Variants in NPAS3 observed in about 807,000 individuals in gnomAD.
NPAS3 encodes neuronal PAS domain protein 3, also known as neuronal PAS domain-containing protein 3.
A neutral mutation model predicts 73.1 loss-of-function variants in NPAS3; 14 were observed. The ratio of observed to expected loss-of-function variants is 0.19; its 90% CI spans 0.13 to 0.30. The LOEUF (loss-of-function observed/expected upper bound fraction) is 0.30. Among genes scored for constraint, NPAS3 ranks in the 10% least tolerant of loss-of-function variants. The probability of loss-of-function intolerance (pLI) is 1.00; values close to 1 mark genes in which losing one functional copy is unlikely to be tolerated. For synonymous variants in NPAS3, 620 were observed against 541.5 expected, an observed-to-expected ratio of 1.14 and a Z score of -2.01; for missense variants, 1,096 against 1,250.0, an observed-to-expected ratio of 0.88 and a Z score of 1.86.
At chr14:33,317,348 A>G (rs1272587236) in intron 3 of NPAS3, among the ~76,000 whole-genome samples, 3 of 152,064 alleles carry the variant, frequency 2.0e-5, no homozygotes, top group Non-Finnish European at 4.4e-5. Context: ...TGAAGTAGGC[A>G]TTCTTATTAT....
At chr14:33,794,616 T>A (rs1447102392) in intron 10 of NPAS3, among the ~76,000 whole-genome samples, 2 of 151,824 alleles carry the variant, frequency 1.3e-5, no homozygotes, top group Non-Finnish European at 2.9e-5. Flanking sequence ...GGCAATTTTT[T>A]TTTTTTTTTG....
chr14:33,109,810 C>CTTTTTTTT lies in NPAS3; in HGVS notation c.140+53833_140+53840dup, dbSNP rs67439887. Among the ~76,000 whole-genome samples the CTTTTTTTT allele has an allele frequency of 1.1e-3, 92 of 86,976 alleles. 2 individuals are homozygous for CTTTTTTTT. Among genetic ancestry groups the CTTTTTTTT allele is most frequent in the East Asian group, 5.8e-3 (15 of 2,584 alleles). 57.1% of individuals were successfully genotyped at this position (86,976 alleles called of 152,430 possible). ...TACCTCTTATCTGTAATTTGCATGT[C>CTTTTTTTT]TTTTTTTTTTTTTTTTTTTTTTTTG... On this transcript the variant is annotated intron_variant, in intron 2 of 11. Coordinates refer to ENST00000356141, the Ensembl canonical transcript of NPAS3.
At chr14:33,115,109 C>T (rs1026100336) in intron 2 of NPAS3, among the ~76,000 whole-genome samples, 1 of 152,020 alleles carries the variant, frequency 6.6e-6, no homozygotes, top group Non-Finnish European at 1.5e-5. Flanking sequence ...TTATTGCAAG[C>T]CAGTCTTTGT....
chr14:33,010,607 C>A (rs2039154330), intron 1 of NPAS3, among the ~76,000 whole-genome samples: 2 of 152,034 alleles, frequency 1.3e-5, no homozygotes, highest in Admixed American at 1.3e-4. Flanking sequence ...TTTCTGGTTG[C>A]AAAAACATCA....
intron 4 of NPAS3, among the ~76,000 whole-genome samples, chr14:33,538,033 C>T (rs1040754096): frequency 1.2e-4 from 19 of 152,152 alleles, no homozygotes; most frequent in Non-Finnish European, 2.5e-4. Context: ...TGGCATAGAC[C>T]ATAAACCTGT....
intron 3 of NPAS3, among the ~76,000 whole-genome samples, chr14:33,238,502 T>G (rs1407242043): frequency 2.0e-5 from 3 of 152,028 alleles, no homozygotes; most frequent in African/African-American, 7.2e-5. Flanking sequence ...GAATCATTGT[T>G]GATACAGAGG....
At chr14:33,271,360 A>C (rs72678850) in intron 3 of NPAS3, among the ~76,000 whole-genome samples, 6,945 of 152,196 alleles carry the variant, frequency 0.046, 223 homozygotes, top group East Asian at 0.16. Flanking sequence ...AGTAGTATTT[A>C]GGTCTCATGG....
At chr14:33,384,705 G>A (rs2046703009) in intron 4 of NPAS3, among the ~76,000 whole-genome samples, 1 of 152,174 alleles carries the variant, frequency 6.6e-6, no homozygotes, top group Non-Finnish European at 1.5e-5. Context: ...ACTCCAGCCT[G>A]GGCAACAAGA....
At chr14:33,534,126 G>A (rs138825830) in intron 4 of NPAS3, among the ~76,000 whole-genome samples, 291 of 151,210 alleles carry the variant, frequency 1.9e-3, no homozygotes, top group African/African-American at 5.2e-3. Context: ...ATTTACAGCC[G>A]CCTGCTGACT....
intron 3 of NPAS3, among the ~76,000 whole-genome samples, chr14:33,300,595 C>T (rs2042489039): frequency 6.6e-6 from 1 of 152,194 alleles, no homozygotes; most frequent in Non-Finnish European, 1.5e-5. Context: ...AGGGGACCCA[C>T]AGGAGGAGTG....
intron 3 of NPAS3, among the ~76,000 whole-genome samples, chr14:33,321,461 T>C (rs146866021): frequency 2.3e-3 from 345 of 151,918 alleles, no homozygotes; most frequent in South Asian, 7.7e-3. Context: ...TGAATAAGAG[T>C]AGAACAATGT....
intron 6 of NPAS3, among the ~76,000 whole-genome samples, chr14:33,684,224 T>TG (rs939821312): frequency 4.1e-5 from 3 of 73,204 alleles, no homozygotes; most frequent in East Asian, 1.4e-3. Flanking sequence ...CATTGTGCTG[T>TG]GGGTTTTTTT....
At chr14:33,799,824 C>G in exon 12 of NPAS3, 1 of 1,613,996 alleles carries the variant, frequency 6.2e-7, no homozygotes, top group Non-Finnish European at 8.5e-7. Context: ...TCGGGCAACG[C>G]GTGTGACAAC....
At chr14:33,103,644 G>T (rs556090757) in intron 2 of NPAS3, among the ~76,000 whole-genome samples, 1 of 152,284 alleles carries the variant, frequency 6.6e-6, no homozygotes, top group South Asian at 2.1e-4. Flanking sequence ...TTTGAGGTCA[G>T]TGCTACTCAG....
chr14:33,102,705 A>G (rs1335588968), intron 2 of NPAS3, among the ~76,000 whole-genome samples: 1 of 152,150 alleles, frequency 6.6e-6, no homozygotes, highest in Non-Finnish European at 1.5e-5. Context: ...ATGGGAATGG[A>G]AGTGGGAAGA....
chr14:33,075,493 A>G (rs990021643), intron 2 of NPAS3, among the ~76,000 whole-genome samples: 2 of 152,204 alleles, frequency 1.3e-5, no homozygotes, highest in Non-Finnish European at 2.9e-5. Context: ...TCTTATATTA[A>G]CTGATAAAGC....
intron 2 of NPAS3, among the ~76,000 whole-genome samples, chr14:33,182,231 A>C (rs757411792): frequency 6.6e-6 from 1 of 152,192 alleles, no homozygotes; most frequent in Non-Finnish European, 1.5e-5. Flanking sequence ...CTGTGCATTT[A>C]AATGTAATAG....
intron 5 of NPAS3, 31 bp downstream of exon 5, chr14:33,560,241 C>T (rs759184479): frequency 1.5e-5 from 13 of 840,336 alleles, no homozygotes; most frequent in African/African-American, 3.3e-5. Flanking sequence ...TTCTTGGCAG[C>T]GATTATGAAG....
chr14:33,801,338 G>T (rs994653337), downstream of NPAS3: 198 of 779,312 alleles, frequency 2.5e-4, no homozygotes, highest in Non-Finnish European at 3.5e-4. Context: ...CTGCCGTTTT[G>T]TCTTCTTCTA....
Sources: allele counts gnomAD v4.1 joint callset (sites outside exome capture counted in the v4.1 genomes callset), GRCh38; gene constraint gnomAD v4.1.1; transcripts MANE v1.5; gene names NCBI Gene and HGNC (gene_info 2026-07-23, HGNC 2026-07-21).